SMURF1: variants seen among roughly 807,000 people sequenced by gnomAD.
SMURF1 encodes E3 ubiquitin-protein ligase SMURF1.
In SMURF1, 44 loss-of-function variants were observed where a neutral mutation model predicts 98.0. The observed-to-expected ratio is 0.45, with a 90% CI of 0.35 to 0.58. SMURF1 has a LOEUF of 0.58. SMURF1 is among the 20% of genes least tolerant of loss of function. The pLI, the probability that SMURF1 is intolerant of heterozygous loss-of-function variation, is 0.00. For synonymous variants in SMURF1, 396 were observed against 374.9 expected (o/e 1.06, Z -0.65); for missense variants, 687 against 938.4 (o/e 0.73, Z 3.50).
At chr7:99,040,289 ACACACGCGCG>A (rs1400653759) in intron 13 of SMURF1, 79 bp downstream of exon 13, 4 of 1,260,852 alleles carry the variant, frequency 3.2e-6, no homozygotes, top group East Asian at 2.8e-5. Flanking sequence ...CAAAATACAC[ACACACGCGCG>A]CGCGCGCGCA....
intron 1 of SMURF1, among the ~76,000 whole-genome samples, chr7:99,112,601 A>G (rs1472079963): frequency 6.6e-6 from 1 of 152,232 alleles, no homozygotes; most frequent in African/African-American, 2.4e-5. Context: ...CAAGACATAA[A>G]CAAAAAACTA....
intron 1 of SMURF1, among the ~76,000 whole-genome samples, chr7:99,109,485 A>AGTG (rs1261253263): frequency 6.6e-6 from 1 of 152,178 alleles, no homozygotes; most frequent in African/African-American, 2.4e-5. Flanking sequence ...GCAGTTCTGC[A>AGTG]GTGCCTCTCT....
chr7:99,049,815 TC>T, intron 8 of SMURF1, 106 bp from the exon 9 acceptor site: 1 of 1,132,494 alleles, frequency 8.8e-7, no homozygotes, highest in Non-Finnish European at 1.2e-6. Context: ...GGTGTCTGTG[TC>T]CCAGCTCTGC....
intron 11 of SMURF1, among the ~76,000 whole-genome samples, chr7:99,043,097 A>G (rs755325893): frequency 2.6e-5 from 4 of 152,118 alleles, no homozygotes; most frequent in African/African-American, 4.8e-5. Flanking sequence ...CCTTTTTTGA[A>G]AAAGACAAAG....
intron 1 of SMURF1, among the ~76,000 whole-genome samples, chr7:99,093,119 A>G (rs1319162982): frequency 6.6e-6 from 1 of 152,184 alleles, no homozygotes; most frequent in Non-Finnish European, 1.5e-5. Context: ...GAGGAAATGT[A>G]GCATTGCAAT....
intron 15 of SMURF1, 63 bp from the exon 16 acceptor site, chr7:99,035,779 C>T (rs1269025020): frequency 1.3e-6 from 2 of 1,497,686 alleles, no homozygotes; most frequent in Non-Finnish European, 1.8e-6. Flanking sequence ...GGATGCGCCT[C>T]CTAGGTACCC....
At chr7:99,037,247 T>G in intron 14 of SMURF1, 60 bp from the exon 15 acceptor site, 1 of 1,599,020 alleles carries the variant, frequency 6.3e-7, no homozygotes, top group Non-Finnish European at 8.5e-7. Context: ...CATGGGCAGG[T>G]TTTTTTTGGA....
At chr7:99,032,101 A>T (rs1296819143) in intron 17 of SMURF1, among the ~76,000 whole-genome samples, 3 of 152,218 alleles carry the variant, frequency 2.0e-5, no homozygotes, top group Non-Finnish European at 2.9e-5. Context: ...CATCCAAACT[A>T]AAAACTATAC....
intron 1 of SMURF1, among the ~76,000 whole-genome samples, chr7:99,104,158 A>G (rs1441478108): frequency 6.6e-6 from 1 of 152,220 alleles, no homozygotes; most frequent in African/African-American, 2.4e-5. Flanking sequence ...AAGTGCTGCG[A>G]TTATGGGCAT....
At chr7:99,073,807 C>G (rs886112120) in intron 1 of SMURF1, among the ~76,000 whole-genome samples, 2 of 151,570 alleles carry the variant, frequency 1.3e-5, no homozygotes, top group African/African-American at 4.8e-5. Context: ...CAATTTCACC[C>G]TTAGGTATGT....
chr7:99,112,803 A>G (rs1328758255), intron 1 of SMURF1, among the ~76,000 whole-genome samples: 1 of 152,180 alleles, frequency 6.6e-6, no homozygotes, highest in East Asian at 1.9e-4. Flanking sequence ...ACAGAATATC[A>G]ACAAAGTGAC....
chr7:99,036,110 G>A, intron 15 of SMURF1: 1 of 237,500 alleles, frequency 4.2e-6, no homozygotes, highest in Non-Finnish European at 8.4e-6. Context: ...TTTCAAGTCT[G>A]AAGAGAGGAG....
At chr7:99,108,611 C>CAAAAAAAAAAAA (rs11458541) in intron 1 of SMURF1, among the ~76,000 whole-genome samples, 6 of 58,538 alleles carry the variant, frequency 1.0e-4, no homozygotes, top group Admixed American at 2.9e-4. Context: ...AACTCTGTCT[C>CAAAAAAAAAAAA]AAAAAAAAAA....
At chr7:99,063,164 CGTAA>C (rs1358726749) in intron 1 of SMURF1, among the ~76,000 whole-genome samples, 6 of 141,784 alleles carry the variant, frequency 4.2e-5, no homozygotes, top group East Asian at 2.1e-4. Context: ...TGAATAATGT[CGTAA>C]GTGATAAGCT....
At chr7:99,037,845 G>A (rs937082583) in intron 14 of SMURF1, among the ~76,000 whole-genome samples, 6 of 152,236 alleles carry the variant, frequency 3.9e-5, no homozygotes, top group Non-Finnish European at 7.3e-5. Flanking sequence ...GAGGCCAGGG[G>A]TTCGAGACCA....
rs1040270598 is a variant in SMURF1, at chr7:99,029,024, G to T, written c.*1560C>A. 8 of 152,330 alleles carry T rather than the reference G, an allele frequency of 5.3e-5. No homozygotes were observed. The highest frequency in any genetic ancestry group is 1.9e-4 in the African/African-American group (8 of 41,406). 9.4% of individuals were successfully genotyped at this position (152,330 alleles called of 1,614,324 possible). ...ATTTGGCCTGGACTTTTGGAATGGG[G>T]GATTAAACTTTCCTCCTGCAGCAAA... is the stretch of plus-strand genomic sequence containing the variant. On this transcript the variant is annotated 3_prime_UTR_variant, in exon 18 of 18. Coordinates refer to ENST00000361368, the MANE Select transcript of SMURF1 (RefSeq NM_181349.3).
chr7:99,040,683 C>CA, intron 12 of SMURF1, 127 bp from the exon 13 acceptor site: 1 of 815,170 alleles, frequency 1.2e-6, no homozygotes, highest in Non-Finnish European at 1.7e-6. Context: ...CTCAGGGACT[C>CA]ACAGGCCCCG....
At chr7:99,119,021 T>C (rs1169244729) in intron 1 of SMURF1, among the ~76,000 whole-genome samples, 4 of 127,568 alleles carry the variant, frequency 3.1e-5, no homozygotes, top group Non-Finnish European at 4.9e-5. Flanking sequence ...TTTTTTTTTT[T>C]TTTTTTTTTT....
In SMURF1 at chr7:99,057,243, T is replaced by C. The variant is rs1269992893; in HGVS notation, c.365A>G (p.Asn122Ser). ...GYQRLDLCKL[N>S]PSDTDAVRGQ... ...ACGAACTGCATCAGTATCTGAGGGG[T>C]TTAGTTTGCATAGATCCAAACGCTG... The change falls in exon 5 of 18, where the codon AAC becomes AGC. Residue 122 changes from asparagine (N) to serine (S), a missense_variant. Physicochemically the swap from Asn to Ser is conservative, Grantham distance 46. Around this residue, in one of 2 missense-constraint regions of SMURF1, gnomAD observed 415 missense variants for 508.4 expected, o/e 0.82. Coordinates refer to ENST00000361368, the MANE Select transcript of SMURF1 (RefSeq NM_181349.3). 1 of 1,613,920 alleles carries C rather than the reference T, an allele frequency of 6.2e-7. No homozygotes were observed. Among genetic ancestry groups the C allele is most frequent in the Admixed American group, 1.7e-5 (1 of 59,974 alleles).
Sources: gnomAD v4.1 joint callset for allele counts (sites outside exome capture counted in the v4.1 genomes callset) on GRCh38, gnomAD v4.1.1 for gene constraint, gnomAD v4.1.1 regional missense constraint, MANE v1.5 for transcripts, NCBI Gene and HGNC (gene_info 2026-07-23, HGNC 2026-07-21) for gene names.